The following AGMO variants were observed in gnomAD, a reference collection of about 807,000 sequenced individuals.
The protein encoded by AGMO is alkylglycerol monooxygenase, also known as glyceryl-ether monooxygenase.
A neutral mutation model predicts 60.2 loss-of-function variants in AGMO; 75 were observed. The observed-to-expected ratio is 1.25, with a 90% CI of 1.03 to 1.51. The LOEUF (loss-of-function observed/expected upper bound fraction) is 1.51, where lower values mean the gene tolerates loss of function less well. Among genes scored for constraint, AGMO ranks in the 40% most tolerant of loss-of-function variants. The pLI is 0.00. For synonymous variants in AGMO, 261 were observed against 177.1 expected, an observed-to-expected ratio of 1.47 and a Z score of -3.76; for missense variants, 763 against 525.5, an observed-to-expected ratio of 1.45 and a Z score of -4.42.
At chr7:15,259,160 T>C (rs1223262422) in intron 12 of AGMO, among the ~76,000 whole-genome samples, 2 of 151,872 alleles carry the variant, frequency 1.3e-5, no homozygotes, top group Non-Finnish European at 2.9e-5. Flanking sequence ...AAAAACATGA[T>C]ACAGAATATG....
chr7:15,431,917 T>C (rs1010195202), intron 3 of AGMO, among the ~76,000 whole-genome samples: 24 of 151,872 alleles, frequency 1.6e-4, no homozygotes, highest in African/African-American at 5.1e-4. Context: ...ATCCCCTAAG[T>C]AGTTGACACA....
intron 12 of AGMO, among the ~76,000 whole-genome samples, chr7:15,323,713 T>A (rs902289550): frequency 1.3e-5 from 2 of 152,218 alleles, no homozygotes; most frequent in Non-Finnish European, 2.9e-5. Context: ...TGGAAAAGAC[T>A]GCCTCCTGAC....
chr7:15,391,798 G>C (rs1290642191), intron 6 of AGMO, among the ~76,000 whole-genome samples: 1 of 152,078 alleles, frequency 6.6e-6, no homozygotes, highest in Admixed American at 6.5e-5. Flanking sequence ...AGGAACATTT[G>C]GCAATTTCTG....
At chr7:15,559,110 G>A (rs536831875) in intron 2 of AGMO, among the ~76,000 whole-genome samples, 2 of 152,166 alleles carry the variant, frequency 1.3e-5, no homozygotes, top group South Asian at 4.1e-4. Context: ...CTAAAAAATA[G>A]TAGGTCATTT....
At chr7:15,278,416 T>C (rs1485042832) in intron 12 of AGMO, among the ~76,000 whole-genome samples, 3 of 152,014 alleles carry the variant, frequency 2.0e-5, no homozygotes, top group Admixed American at 1.3e-4. Flanking sequence ...TTCAATGGCA[T>C]GTATGAGTCC....
At chr7:15,217,225 A>G (rs1425734229) in intron 12 of AGMO, among the ~76,000 whole-genome samples, 1 of 152,078 alleles carries the variant, frequency 6.6e-6, no homozygotes, top group Non-Finnish European at 1.5e-5. Flanking sequence ...CCCCCAAAGA[A>G]AGAAATGTTA....
intron 3 of AGMO, among the ~76,000 whole-genome samples, chr7:15,486,372 T>C (rs927971900): frequency 4.6e-5 from 7 of 152,166 alleles, no homozygotes. Context: ...AAACATATTT[T>C]CTCAGGAACT....
At chr7:15,433,323 TC>T (rs1187397675) in intron 3 of AGMO, among the ~76,000 whole-genome samples, 1 of 152,066 alleles carries the variant, frequency 6.6e-6, no homozygotes, top group Non-Finnish European at 1.5e-5. Flanking sequence ...AGCATTTACT[TC>T]CTATCACAAA....
At chr7:15,512,218 C>T (rs1450545180) in intron 3 of AGMO, among the ~76,000 whole-genome samples, 1 of 152,082 alleles carries the variant, frequency 6.6e-6, no homozygotes, top group African/African-American at 2.4e-5. Flanking sequence ...CTCTGTCATA[C>T]AACACTAATG....
intron 3 of AGMO, among the ~76,000 whole-genome samples, chr7:15,513,778 C>T (rs371715363): frequency 6.6e-6 from 1 of 152,192 alleles, no homozygotes; most frequent in African/African-American, 2.4e-5. Flanking sequence ...TAAGAGGAAA[C>T]CATTGCTAAA....
intron 3 of AGMO, among the ~76,000 whole-genome samples, chr7:15,539,301 G>A (rs772356930): frequency 1.7e-4 from 26 of 151,864 alleles, no homozygotes; most frequent in Non-Finnish European, 3.7e-4. Context: ...TCTCCCACCC[G>A]CCACCCTCGA....
intron 12 of AGMO, among the ~76,000 whole-genome samples, chr7:15,269,596 C>T (rs1332229606): frequency 2.0e-5 from 3 of 151,950 alleles, no homozygotes; most frequent in Non-Finnish European, 1.5e-5. Flanking sequence ...ATGGCATGGA[C>T]AGGAAGATTA....
chr7:15,415,884 C>A (rs1484807797), intron 5 of AGMO, among the ~76,000 whole-genome samples: 1 of 151,950 alleles, frequency 6.6e-6, no homozygotes, highest in Non-Finnish European at 1.5e-5. Context: ...GCTGCAGAGG[C>A]TTTAGATCCA....
At chr7:15,422,889 G>C (rs1249259452) in intron 4 of AGMO, among the ~76,000 whole-genome samples, 2 of 152,144 alleles carry the variant, frequency 1.3e-5, no homozygotes, top group African/African-American at 4.8e-5. Context: ...AGAGGATGCA[G>C]ACTGTGCTTC....
At chr7:15,281,060 C>G (rs541211313) in intron 12 of AGMO, among the ~76,000 whole-genome samples, 1 of 152,104 alleles carries the variant, frequency 6.6e-6, no homozygotes. Context: ...TCAGGGCCTC[C>G]TACTCCTAGG....
At position 15,429,321 on chromosome 7, in the gene AGMO, G is replaced by C. The variant is rs1450844892; in HGVS notation, c.513+1684C>G. On this transcript the variant is annotated intron_variant, in intron 4 of 12. Transcript: ENST00000342526. ...ATTAACTTAACTAATGGTCATGCTG[G>C]AGTATGGCAAGTCCCTAAACCAATA... 7.2e-5 allele frequency among the ~76,000 whole-genome samples: 11 copies of C among 152,008 alleles called. No homozygotes were observed. In the South Asian group the frequency reaches 1.0e-3, roughly 14 times the overall value.
intron 3 of AGMO, among the ~76,000 whole-genome samples, chr7:15,467,905 T>C (rs112526492): frequency 2.0e-5 from 3 of 152,226 alleles, no homozygotes; most frequent in African/African-American, 7.2e-5. Flanking sequence ...TCTGAAATGC[T>C]GTTTCACCCC....
rs771294147 is a variant in AGMO, at chr7:15,341,970, G to A, written c.1263+23544C>T. On this transcript the variant is annotated intron_variant, in intron 12 of 12. Coordinates refer to ENST00000342526, the MANE Select transcript of AGMO (RefSeq NM_001004320.2). ...CCGAGTCCCTCCCATGGCACGTAGGGATAATGGGAGTTACAATTCAAGATG... is the reference window on the plus strand; with the variant it reads ...CCGAGTCCCTCCCATGGCACGTAGGAATAATGGGAGTTACAATTCAAGATG... Among the ~76,000 whole-genome samples the A allele has an allele frequency of 1.3e-4, 20 of 151,956 alleles. No homozygotes were observed. The East Asian group carries it at 3.5e-3, about 27-fold the overall frequency.
intron 12 of AGMO, among the ~76,000 whole-genome samples, chr7:15,334,167 A>C (rs1164933598): frequency 1.3e-5 from 2 of 152,144 alleles, no homozygotes; most frequent in Admixed American, 1.3e-4. Context: ...GAAAAGATGT[A>C]AAGAGAAAAT....
Sources: gnomAD v4.1 joint callset for allele counts (sites outside exome capture counted in the v4.1 genomes callset) on GRCh38, gnomAD v4.1.1 for gene constraint, MANE v1.5 for transcripts, NCBI Gene and HGNC (gene_info 2026-07-23, HGNC 2026-07-21) for gene names.